Variants in NETO2 observed in about 807,000 individuals in gnomAD.
NETO2 encodes the protein neuropilin and tolloid like 2.
NETO2 carries 28 observed loss-of-function variants against 62.5 expected under a neutral mutation model. That is an observed-to-expected ratio of 0.45 (90% CI 0.33 to 0.61). The LOEUF is 0.61. Among genes scored for constraint, NETO2 ranks in the 20% least tolerant of loss-of-function variants. The pLI is 0.02. For synonymous variants in NETO2, 214 were observed against 219.1 expected (o/e 0.98, Z 0.21); for missense variants, 548 against 643.2 (o/e 0.85, Z 1.60).
chr16:47,115,613 C>T (rs985700809), intron 6 of NETO2, among the ~76,000 whole-genome samples: 4 of 149,798 alleles, frequency 2.7e-5, no homozygotes, highest in South Asian at 4.2e-4. Context: ...CTGCAGCCTC[C>T]GCCTCCTTGG....
intron 7 of NETO2, among the ~76,000 whole-genome samples, chr16:47,086,974 GATAC>G (rs1306224038): frequency 2.6e-5 from 4 of 152,066 alleles, no homozygotes; most frequent in South Asian, 4.2e-4. Flanking sequence ...ATGAAATTAT[GATAC>G]ATACAACATG....
chr16:47,142,440 G>A (rs1964479022), intron 1 of NETO2, among the ~76,000 whole-genome samples: 1 of 152,116 alleles, frequency 6.6e-6, no homozygotes, highest in African/African-American at 2.4e-5. Flanking sequence ...AAATTACACT[G>A]AACTTTCTAA....
intron 4 of NETO2, among the ~76,000 whole-genome samples, chr16:47,123,736 TG>T (rs1964091583): frequency 6.6e-6 from 1 of 152,236 alleles, no homozygotes; most frequent in Admixed American, 6.5e-5. Flanking sequence ...TTCACACTGT[TG>T]CCCAGGCAGG....
At chr16:47,138,130 G>A (rs1310029461) in intron 1 of NETO2, among the ~76,000 whole-genome samples, 2 of 152,200 alleles carry the variant, frequency 1.3e-5, no homozygotes, top group Non-Finnish European at 2.9e-5. Context: ...GGCCAGGCGC[G>A]GTGACTCACG....
chr16:47,101,205 G>A (rs1235166779), intron 7 of NETO2, among the ~76,000 whole-genome samples: 4 of 152,088 alleles, frequency 2.6e-5, no homozygotes, highest in Non-Finnish European at 4.4e-5. Context: ...CTCAATAGAC[G>A]CAGAAAAGGC....
At chr16:47,098,804 A>G (rs1963484747) in intron 7 of NETO2, among the ~76,000 whole-genome samples, 1 of 152,214 alleles carries the variant, frequency 6.6e-6, no homozygotes, top group South Asian at 2.1e-4. Context: ...CACAAAGGGA[A>G]GCCCATCAGA....
chr16:47,085,168 G>C (rs1963158782), intron 8 of NETO2, among the ~76,000 whole-genome samples: 2 of 152,152 alleles, frequency 1.3e-5, no homozygotes, highest in Non-Finnish European at 2.9e-5. Context: ...TACAGCATAG[G>C]AAATGTTACG....
chr16:47,094,711 C>T (rs1315252960), intron 7 of NETO2, among the ~76,000 whole-genome samples: 1 of 148,734 alleles, frequency 6.7e-6, no homozygotes, highest in Non-Finnish European at 1.5e-5. Flanking sequence ...CAGGCATGAG[C>T]CACCGCGCCT....
chr16:47,122,582 A>T, intron 6 of NETO2, 75 bp downstream of exon 6: 2 of 1,532,506 alleles, frequency 1.3e-6, no homozygotes, highest in Non-Finnish European at 1.8e-6. Context: ...ATTTACACAA[A>T]CCAAAATTAC....
intron 7 of NETO2, among the ~76,000 whole-genome samples, chr16:47,105,275 C>G (rs1234028555): frequency 2.0e-5 from 3 of 152,106 alleles, no homozygotes; most frequent in Non-Finnish European, 4.4e-5. Flanking sequence ...CCTGGGAAAG[C>G]TGGATATCCA....
Position 47,086,014 on chromosome 16 carries a change from G to A in NETO2, c.997+212C>T, listed in dbSNP as rs185878834. ...CCAGCTACTTGGGAAGCTAAGGCAG[G>A]AGAATGGTGTGAACCCGGGAGGCGG... On this transcript the variant is annotated intron_variant, in intron 8 of 8. Transcript: ENST00000562435. 1.8e-3 allele frequency among the ~76,000 whole-genome samples: 272 copies of A among 152,232 alleles called. 2 individuals carry two copies. Among genetic ancestry groups the A allele is most frequent in the African/African-American group, 6.0e-3 (251 of 41,568 alleles).
chr16:47,123,499 TA>T (rs879345677), intron 4 of NETO2, among the ~76,000 whole-genome samples: 71 of 144,602 alleles, frequency 4.9e-4, no homozygotes, highest in Admixed American at 6.9e-4. Context: ...AAATGAGTCT[TA>T]AAAAAAAAAA....
At chr16:47,126,684 C>A (rs765973439) in intron 4 of NETO2, among the ~76,000 whole-genome samples, 1 of 152,168 alleles carries the variant, frequency 6.6e-6, no homozygotes, top group Non-Finnish European at 1.5e-5. Context: ...GCACCACTCT[C>A]GTGCAAGATG....
intron 1 of NETO2, among the ~76,000 whole-genome samples, chr16:47,143,188 G>A (rs1964499788): frequency 6.6e-6 from 1 of 152,134 alleles, no homozygotes; most frequent in Non-Finnish European, 1.5e-5. Context: ...ATCACATCTG[G>A]AGAAAGAGCG....
chr16:47,107,785 AT>A (rs201096741), intron 7 of NETO2, among the ~76,000 whole-genome samples: 1 of 151,516 alleles, frequency 6.6e-6, no homozygotes, highest in East Asian at 1.9e-4. Context: ...GAAAACAATA[AT>A]TTTTTTTTGA....
chr16:47,132,790 A>G (rs1387233707), intron 1 of NETO2, among the ~76,000 whole-genome samples: 3 of 152,230 alleles, frequency 2.0e-5, no homozygotes, highest in African/African-American at 4.8e-5. Context: ...TCCACTGAAG[A>G]GCGGGCACCA....
rs770110770 is a variant in NETO2, at chr16:47,083,625, C to A, written c.1174G>T (p.Val392Leu). The change falls in exon 9 of 9, where the codon GTG becomes TTG. Residue 392 changes from valine (V) to leucine (L), a missense_variant. Coordinates refer to ENST00000562435, the MANE Select transcript of NETO2 (RefSeq NM_018092.5). ...TAFNKTGFQE[V>L]FDPPHYELFS... Reference sequence around the variant, plus strand: ...AGTTCATAATGAGGAGGATCAAACACTTCTTGGAACCCGGTTTTATTAAAA... The same window carrying A: ...AGTTCATAATGAGGAGGATCAAACAATTCTTGGAACCCGGTTTTATTAAAA... The A allele has an allele frequency of 8.1e-6, 13 of 1,614,206 alleles. No homozygotes were observed. The highest frequency in any genetic ancestry group is 1.1e-5 in the South Asian group (1 of 91,086).
At chr16:47,114,513 T>C (rs1043345936) in intron 6 of NETO2, among the ~76,000 whole-genome samples, 13 of 139,104 alleles carry the variant, frequency 9.3e-5, no homozygotes, top group African/African-American at 3.2e-4. Flanking sequence ...TGCAGTGGCA[T>C]GATCTCGGCT....
chr16:47,106,769 T>C (rs1596718568), intron 7 of NETO2, among the ~76,000 whole-genome samples: 1 of 152,118 alleles, frequency 6.6e-6, no homozygotes, highest in East Asian at 1.9e-4. Flanking sequence ...TATGGAATGG[T>C]TTCCAGGATA....
Sources: gnomAD v4.1 joint callset for allele counts (sites outside exome capture counted in the v4.1 genomes callset) on GRCh38, gnomAD v4.1.1 for gene constraint, MANE v1.5 for transcripts, NCBI Gene and HGNC (gene_info 2026-07-23, HGNC 2026-07-21) for gene names.